MUSK: variants seen among roughly 807,000 people sequenced by gnomAD.
MUSK encodes muscle, skeletal receptor tyrosine-protein kinase.
MUSK carries 55 observed loss-of-function variants against 88.7 expected under a neutral mutation model. The observed-to-expected ratio is 0.62, with a 90% CI of 0.50 to 0.78. The LOEUF is 0.78. MUSK is among the 30% of genes least tolerant of loss of function. The pLI is 0.00. For synonymous variants in MUSK, 387 were observed against 391.9 expected (o/e 0.99, Z 0.15); for missense variants, 1,015 against 1,074.3 (o/e 0.94, Z 0.77).
At chr9:110,674,061 T>C (rs2075994310) in intron 1 of MUSK, among the ~76,000 whole-genome samples, 2 of 152,134 alleles carry the variant, frequency 1.3e-5, no homozygotes, top group African/African-American at 4.8e-5. Context: ...AGTATATGTT[T>C]AATATTCACC....
intron 1 of MUSK, among the ~76,000 whole-genome samples, chr9:110,670,803 C>T (rs1469198330): frequency 6.6e-6 from 1 of 152,076 alleles, no homozygotes; most frequent in Non-Finnish European, 1.5e-5. Context: ...ATGAGTTTAA[C>T]ATCACTCTTA....
chr9:110,782,047 ATTTTG>A (rs1164479082), intron 11 of MUSK, among the ~76,000 whole-genome samples: 4 of 152,302 alleles, frequency 2.6e-5, no homozygotes, highest in East Asian at 1.9e-4. Context: ...TGCTTCTTAT[ATTTTG>A]TTTTATTTCT....
chr9:110,670,960 T>A (rs3001128), intron 1 of MUSK, among the ~76,000 whole-genome samples: 81,710 of 151,398 alleles, frequency 0.54, 22,984 homozygotes, highest in African/African-American at 0.7. Context: ...ACAATAAAAT[T>A]TTATTATTTT....
intron 5 of MUSK, among the ~76,000 whole-genome samples, chr9:110,722,112 A>C (rs552265622): frequency 6.6e-6 from 1 of 152,282 alleles, no homozygotes; most frequent in Admixed American, 6.5e-5. Context: ...CAAGGACTTA[A>C]ATTGAAGACC....
chr9:110,785,794 A>G, intron 13 of MUSK, 76 bp downstream of exon 13: 1 of 973,476 alleles, frequency 1.0e-6, no homozygotes, highest in South Asian at 2.0e-5. Context: ...TTAGCTTGGT[A>G]TATATATAAT....
chr9:110,727,416 T>A (rs2076900346), intron 5 of MUSK: 1 of 152,084 alleles, frequency 6.6e-6, no homozygotes, highest in South Asian at 2.1e-4. Flanking sequence ...TATTTATTTA[T>A]GACAAATATT....
intron 3 of MUSK, among the ~76,000 whole-genome samples, chr9:110,689,298 TATATTTATATTTAAATATATATTAA>T (rs2076250351): frequency 8.5e-6 from 1 of 117,384 alleles, no homozygotes; most frequent in South Asian, 2.4e-4. Context: ...TATATAGCTA[TATATTTATATTTAAATATATATTAA>T]ATATATATTT....
chr9:110,689,792 TTAATATA>T (rs2076284490), intron 3 of MUSK, among the ~76,000 whole-genome samples: 1 of 61,562 alleles, frequency 1.6e-5, no homozygotes, highest in Non-Finnish European at 3.2e-5. Context: ...TATATATTTT[TTAATATA>T]TAATATATAA....
In MUSK at chr9:110,801,056, C is replaced by A; in HGVS notation, c.*68C>A. On this transcript the variant is annotated 3_prime_UTR_variant, in exon 15 of 15. Coordinates refer to ENST00000374448, the MANE Select transcript of MUSK (RefSeq NM_005592.4). Reference sequence around the variant, plus strand: ...CTCTGTGAGCCAGGGGAATCCTACACCAGAGGCCCAACAAGACCCACATAG... The same window carrying A: ...CTCTGTGAGCCAGGGGAATCCTACAACAGAGGCCCAACAAGACCCACATAG... 1 of 1,343,116 alleles carries A rather than the reference C, an allele frequency of 7.4e-7. No individual in the cohort carries two copies. Among genetic ancestry groups the A allele is most frequent in the Non-Finnish European group, 9.8e-7 (1 of 1,015,668 alleles). 83.2% of individuals were successfully genotyped at this position (1,343,116 alleles called of 1,614,324 possible).
chr9:110,789,931 T>A (rs1230464232), intron 14 of MUSK, among the ~76,000 whole-genome samples: 2 of 152,126 alleles, frequency 1.3e-5, no homozygotes, highest in Non-Finnish European at 2.9e-5. Context: ...ACACAGAGTA[T>A]TTAAAGCCAT....
At chr9:110,769,412 T>C (rs1191794334) in intron 9 of MUSK, among the ~76,000 whole-genome samples, 2 of 151,968 alleles carry the variant, frequency 1.3e-5, no homozygotes, top group Non-Finnish European at 2.9e-5. Context: ...GCATGTTATC[T>C]AAAAATCTCT....
intron 13 of MUSK, among the ~76,000 whole-genome samples, chr9:110,787,091 G>A (rs545032259): frequency 1.4e-4 from 21 of 152,226 alleles, no homozygotes; most frequent in African/African-American, 2.6e-4. Flanking sequence ...GGCTGGGCGC[G>A]ATGGCTCACA....
intron 5 of MUSK, among the ~76,000 whole-genome samples, chr9:110,722,388 G>A (rs2076825152): frequency 1.3e-5 from 2 of 151,982 alleles, no homozygotes; most frequent in Non-Finnish European, 2.9e-5. Flanking sequence ...AAATTAGCTG[G>A]GTGTGGTGGT....
In MUSK at chr9:110,689,750, TTATATATA is replaced by T. The variant is rs1564218071; in HGVS notation, c.358+2483_358+2490del. On this transcript the variant is annotated intron_variant, in intron 3 of 14. Coordinates refer to ENST00000374448, the MANE Select transcript of MUSK (RefSeq NM_005592.4). ...TATAGTTTATATATAATATTATATA[TTATATATA>T]AACTATATATATCACATATAGTTTA... Among the ~76,000 whole-genome samples the T allele has an allele frequency of 4.6e-3, 167 of 36,330 alleles. 9 individuals carry two copies. The highest frequency in any genetic ancestry group is 7.9e-3 in the Non-Finnish European group (142 of 18,030). The allele number at this position is 36,330 out of a possible 152,430, so 23.8% of individuals were successfully genotyped here.
intron 14 of MUSK, among the ~76,000 whole-genome samples, chr9:110,797,421 T>C (rs1177618509): frequency 6.6e-6 from 1 of 151,874 alleles, no homozygotes; most frequent in Non-Finnish European, 1.5e-5. Flanking sequence ...ATGGGAGGTA[T>C]ACAAATGTAT....
chr9:110,768,437 A>G (rs1243205541), intron 9 of MUSK, among the ~76,000 whole-genome samples: 2 of 152,202 alleles, frequency 1.3e-5, no homozygotes, highest in Non-Finnish European at 2.9e-5. Context: ...CAGAGGTTGC[A>G]GTGAGCCGAG....
At chr9:110,672,839 G>A (rs1344565490) in intron 1 of MUSK, among the ~76,000 whole-genome samples, 2 of 152,074 alleles carry the variant, frequency 1.3e-5, no homozygotes, top group African/African-American at 2.4e-5. Flanking sequence ...AGTCATATGC[G>A]AGAGCCCATA....
rs1185775471 is a variant in MUSK at position 110,695,400 on chromosome 9, T to TA, written c.359-2dup. 3 of 1,484,914 alleles carry TA rather than the reference T, an allele frequency of 2.0e-6. No individual in the cohort carries two copies. Among genetic ancestry groups the TA allele is most frequent in the Non-Finnish European group, 1.8e-6 (2 of 1,101,650 alleles). The allele number at this position is 1,484,914 out of a possible 1,614,324, so 92.0% of individuals were successfully genotyped here. A position where few individuals can be genotyped will look rare whatever the true frequency, so the allele number is the denominator to read the frequency against. ...TTTATTTTGAATTTTCATTTCTTTT[T>TA]AGAACCTAAAATAACTCGTCCTCCC... is the stretch of plus-strand genomic sequence containing the variant. On this transcript the variant is annotated splice_region_variant and splice_polypyrimidine_tract_variant and intron_variant, in intron 3 of 14. Transcript: ENST00000374448.
At chr9:110,800,231 G>A (rs911701683) in intron 14 of MUSK, 75 bp from the exon 15 acceptor site, 13 of 1,328,956 alleles carry the variant, frequency 9.8e-6, no homozygotes, top group East Asian at 2.3e-5. Context: ...TGACATGGTC[G>A]TTTGCTTTTG....
Sources: allele counts gnomAD v4.1 joint callset (sites outside exome capture counted in the v4.1 genomes callset), GRCh38; gene constraint gnomAD v4.1.1; transcripts MANE v1.5; gene names NCBI Gene and HGNC (gene_info 2026-07-23, HGNC 2026-07-21).